USH2A: variants seen among roughly 807,000 people sequenced by gnomAD.
The protein encoded by USH2A is usherin, also known as Usher syndrome 2A (autosomal recessive, mild).
In USH2A, 443 loss-of-function variants were observed where a neutral mutation model predicts 538.9. The observed-to-expected ratio is 0.82, with a 90% confidence interval of 0.76 to 0.89. The LOEUF is 0.89. Ranked by LOEUF, USH2A falls within the 40% of genes least tolerant of loss-of-function variation. The probability of loss-of-function intolerance (pLI) is 0.00; values close to 1 mark genes in which losing one functional copy is unlikely to be tolerated. For missense variants in USH2A, 6,633 were observed against 6,324.8 expected (o/e 1.05, Z -1.65); for synonymous variants, 2,413 against 2,273.5 (o/e 1.06, Z -1.75).
In USH2A at chr1:215,782,187, A is replaced by G. The variant is rs751148618; in HGVS notation, c.10595T>C (p.Ile3532Thr). 29 of 1,613,748 alleles carry G rather than the reference A, an allele frequency of 1.8e-5. 1 individual carries two copies. In the Middle Eastern group the frequency reaches 9.9e-4, roughly 55 times the overall value. The change falls in exon 54 of 72, where the codon ATT (isoleucine) becomes ACT (threonine). Residue 3532 changes from isoleucine to threonine, a missense_variant. Physicochemically the swap from Ile to Thr is moderately conservative, Grantham distance 89. Coordinates refer to ENST00000307340, the MANE Select transcript of USH2A (RefSeq NM_206933.4). ...RKPIQSNGPI[I>T]YYILLRNGIE... ...TCCATTTCGAAGAAGGATGTAGTAA[A>G]TAATAGGACCTAAAAGAAGCAGAAA...
At chr1:215,656,415 T>A (rs1468262478) in intron 64 of USH2A, among the ~76,000 whole-genome samples, 1 of 152,206 alleles carries the variant, frequency 6.6e-6, no homozygotes, top group South Asian at 2.1e-4. Context: ...TCATAATATA[T>A]GGTTTATGGA....
chr1:215,816,305 A>G (rs1216997062), intron 48 of USH2A, among the ~76,000 whole-genome samples: 2 of 152,068 alleles, frequency 1.3e-5, no homozygotes, highest in African/African-American at 4.8e-5. Context: ...CATTTCTTAG[A>G]TGATAACTCC....
At chr1:216,089,299 C>T (rs1477622387) in intron 22 of USH2A, among the ~76,000 whole-genome samples, 160 bp from the exon 23 acceptor site, 3 of 152,118 alleles carry the variant, frequency 2.0e-5, no homozygotes, top group South Asian at 4.1e-4. Context: ...TGATGTCTAG[C>T]ATCATTCTGG....
In USH2A at chr1:215,993,127, T is replaced by C; in HGVS notation, c.6698A>G (p.Glu2233Gly). The change falls in exon 35 of 72, where the codon GAG becomes GGG. Residue 2233 changes from glutamate to glycine, a missense_variant. Transcript: ENST00000307340. ...GGGTATGTCCTCGTCAGTTAGGGCC[T>C]CACTGGCCTCACTCACTGTGCACCC... ...GGGCTVSEASEALTDEDIPEG... is the reference protein window; with the variant it reads ...GGGCTVSEASGALTDEDIPEG... The C allele has an allele frequency of 6.2e-7, 1 of 1,614,018 alleles. No homozygotes were observed. The highest frequency in any genetic ancestry group is 8.5e-7 in the Non-Finnish European group (1 of 1,179,936).
At chr1:216,276,318 T>C (rs962107808) in intron 11 of USH2A, among the ~76,000 whole-genome samples, 3 of 152,148 alleles carry the variant, frequency 2.0e-5, no homozygotes, top group African/African-American at 7.2e-5. Context: ...TTTAGCAATA[T>C]GCCAATCTGT....
At chr1:215,694,274 A>G (rs753186092) in intron 61 of USH2A, among the ~76,000 whole-genome samples, 4 of 152,212 alleles carry the variant, frequency 2.6e-5, no homozygotes, top group Admixed American at 6.5e-5. Flanking sequence ...TGTTGAAAAC[A>G]AGACATTCAA....
chr1:215,972,690 C>T (rs547022), intron 35 of USH2A, among the ~76,000 whole-genome samples: 36,283 of 151,996 alleles, frequency 0.24, 4,853 homozygotes, highest in Non-Finnish European at 0.3. Context: ...AGAAGACAAC[C>T]TTGTATAGTT....
chr1:216,129,671 T>C (rs1419637140), intron 21 of USH2A, among the ~76,000 whole-genome samples: 1 of 151,990 alleles, frequency 6.6e-6, no homozygotes, highest in East Asian at 1.9e-4. Context: ...CCTATCGAAA[T>C]ACTAATGAAG....
At chr1:216,040,281 G>C (rs1470574556) in intron 32 of USH2A, among the ~76,000 whole-genome samples, 1 of 151,918 alleles carries the variant, frequency 6.6e-6, no homozygotes, top group East Asian at 1.9e-4. Flanking sequence ...TTATGGCTTG[G>C]TGTGAGATAG....
At chr1:215,952,402 G>T (rs997126929) in intron 37 of USH2A, among the ~76,000 whole-genome samples, 1 of 152,184 alleles carries the variant, frequency 6.6e-6, no homozygotes, top group African/African-American at 2.4e-5. Context: ...ATTGCTATGT[G>T]TGAATGTGAT....
intron 11 of USH2A, among the ~76,000 whole-genome samples, chr1:216,279,226 C>G (rs1389346209): frequency 6.6e-6 from 1 of 151,924 alleles, no homozygotes; most frequent in Non-Finnish European, 1.5e-5. Flanking sequence ...TTTTAATTCC[C>G]TTATTTGTTG....
intron 38 of USH2A, among the ~76,000 whole-genome samples, chr1:215,932,018 G>A (rs569506897): frequency 1.2e-4 from 19 of 152,026 alleles, no homozygotes; most frequent in African/African-American, 4.6e-4. Context: ...AATATTTGAT[G>A]AAGTAAAAAA....
rs745947440 is a variant in USH2A at position 216,207,311 on chromosome 1, C to T, written c.3278G>A (p.Gly1093Asp). ...ATCCTCTGTTGTGTAGATTTCAAAA[C>T]CATCCCTGAGTAAACTGTAAGTAAG... ...HWLTYSLLRD[G>D]FEIYTTEDQY... Residue 1093 changes from glycine to aspartate, a missense_variant, in exon 16 of 72, where the codon GGT becomes GAT. Transcript: ENST00000307340. The T allele has an allele frequency of 1.9e-6, 3 of 1,611,218 alleles. No individual in the cohort carries two copies. Among genetic ancestry groups the T allele is most frequent in the Non-Finnish European group, 2.5e-6 (3 of 1,178,934 alleles).
At chr1:215,794,362 C>G (rs1434638339) in intron 50 of USH2A, among the ~76,000 whole-genome samples, 3 of 152,162 alleles carry the variant, frequency 2.0e-5, no homozygotes, top group Non-Finnish European at 4.4e-5. Flanking sequence ...CGAGCCAGCC[C>G]GGTCTCGTGG....
chr1:215,703,345 T>C (rs972279941), intron 61 of USH2A, among the ~76,000 whole-genome samples: 1 of 152,176 alleles, frequency 6.6e-6, no homozygotes, highest in African/African-American at 2.4e-5. Flanking sequence ...AGTGCTGTGC[T>C]AGGAAATCTG....
intron 4 of USH2A, among the ~76,000 whole-genome samples, chr1:216,355,307 A>AAAAGAAAGAAAGAAAG (rs61657867): frequency 0.021 from 2,131 of 103,360 alleles, 58 homozygotes; most frequent in African/African-American, 0.033. Flanking sequence ...CTCTGCTTCA[A>AAAAGAAAGAAAGAAAG]AAAGAAAGAA....
At chr1:216,116,185 A>G (rs2033004492) in intron 21 of USH2A, among the ~76,000 whole-genome samples, 1 of 152,090 alleles carries the variant, frequency 6.6e-6, no homozygotes. Flanking sequence ...ATCCAGGTGC[A>G]TGCATAGATA....
At chr1:215,948,425 G>GATATATAT (rs143122492) in intron 37 of USH2A, among the ~76,000 whole-genome samples, 142 of 144,588 alleles carry the variant, frequency 9.8e-4, no homozygotes, top group East Asian at 4.0e-3. Context: ...TATTTGTTCA[G>GATATATAT]ATATATATAT....
At chr1:215,826,387 C>T (rs1373408569) in intron 47 of USH2A, among the ~76,000 whole-genome samples, 3 of 152,170 alleles carry the variant, frequency 2.0e-5, no homozygotes, top group Non-Finnish European at 4.4e-5. Context: ...GAAAGCATCA[C>T]TTGCCAATGG....
Sources: gnomAD v4.1 joint callset for allele counts (sites outside exome capture counted in the v4.1 genomes callset) on GRCh38, gnomAD v4.1.1 for gene constraint, MANE v1.5 for transcripts, NCBI Gene and HGNC (gene_info 2026-07-23, HGNC 2026-07-21) for gene names.